The following RASA3 variants were observed in gnomAD, a reference collection of about 807,000 sequenced individuals.
RASA3 encodes the protein ras GTPase-activating protein 3.
RASA3 carries 73 observed loss-of-function variants against 110.0 expected under a neutral mutation model. The ratio of observed to expected loss-of-function variants is 0.66; its 90% confidence interval spans 0.55 to 0.81. The LOEUF is 0.81. Among genes scored for constraint, RASA3 ranks in the 30% least tolerant of loss-of-function variants. RASA3 has a pLI of 0.00. For missense variants in RASA3, 976 were observed against 1,113.2 expected (o/e 0.88, Z 1.75); for synonymous variants, 500 against 451.4 (o/e 1.11, Z -1.37).
intron 7 of RASA3, among the ~76,000 whole-genome samples, 161 bp downstream of exon 7, chr13:114,027,228 G>A (rs901440652): frequency 3.3e-5 from 5 of 151,968 alleles, no homozygotes; most frequent in Non-Finnish European, 5.9e-5. Flanking sequence ...GGCGGGGCTC[G>A]CTCCTCTCCG....
At position 114,065,120 on chromosome 13, in the gene RASA3, C is replaced by T. The variant is rs2079423457; in HGVS notation, c.173+8600G>A. 6.6e-6 allele frequency among the ~76,000 whole-genome samples: 1 copy of T among 152,226 alleles called. No individual in the cohort carries two copies. The highest frequency in any genetic ancestry group is 2.4e-5 in the African/African-American group (1 of 41,464). Reference sequence around the variant, plus strand: ...AAGTAGTGGCTCTGATGAGGGGAAACCATCTGAACTGAATTCCTCCTCCTC... The same window carrying T: ...AAGTAGTGGCTCTGATGAGGGGAAATCATCTGAACTGAATTCCTCCTCCTC... On this transcript the variant is annotated intron_variant, in intron 2 of 23. Transcript: ENST00000334062. The surrounding 1 kb of genome is among the most constrained non-coding windows in gnomAD (Gnocchi z 4.1).
At chr13:114,031,531 T>C (rs1440466585) in intron 4 of RASA3, among the ~76,000 whole-genome samples, 1 of 87,436 alleles carries the variant, frequency 1.1e-5, no homozygotes, top group Non-Finnish European at 2.2e-5. Context: ...TGGCTGTGTG[T>C]CCACCTGTGT....
At chr13:114,054,920 C>A (rs2079212802) in intron 2 of RASA3, among the ~76,000 whole-genome samples, 1 of 152,246 alleles carries the variant, frequency 6.6e-6, no homozygotes, top group African/African-American at 2.4e-5. Context: ...TGTCAGGGAC[C>A]CCCAGGGGTG....
chr13:114,130,665 T>C (rs1210595035), intron 1 of RASA3, among the ~76,000 whole-genome samples: 2 of 152,184 alleles, frequency 1.3e-5, no homozygotes, highest in East Asian at 3.9e-4. Context: ...TTCCCATGCC[T>C]TCTGTAAAGT....
intron 1 of RASA3, among the ~76,000 whole-genome samples, chr13:114,102,000 G>A (rs1052801491): frequency 2.0e-5 from 3 of 152,138 alleles, no homozygotes; most frequent in Non-Finnish European, 4.4e-5. Context: ...CACAAGCGAC[G>A]TCTACAGGGT....
chr13:114,075,779 TC>T (rs2079665725), intron 1 of RASA3, among the ~76,000 whole-genome samples: 1 of 98,324 alleles, frequency 1.0e-5, no homozygotes, highest in East Asian at 4.0e-4. Flanking sequence ...GCCTCCCGTG[TC>T]CGCGCCGCGT....
At chr13:114,131,970 A>C (rs1451835171) in intron 1 of RASA3, among the ~76,000 whole-genome samples, 3 of 152,108 alleles carry the variant, frequency 2.0e-5, no homozygotes, top group Non-Finnish European at 4.4e-5. Flanking sequence ...AGGAGCCTCC[A>C]CATTCCCCGG....
At chr13:114,060,983 C>A (rs1196463741) in intron 2 of RASA3, among the ~76,000 whole-genome samples, 2 of 145,520 alleles carry the variant, frequency 1.4e-5, no homozygotes, top group Non-Finnish European at 2.9e-5. Flanking sequence ...CCCCCACAGC[C>A]GGCAGACGGA....
chr13:114,062,124 G>C (rs1020408250), intron 2 of RASA3, among the ~76,000 whole-genome samples: 1 of 151,644 alleles, frequency 6.6e-6, no homozygotes, highest in Non-Finnish European at 1.5e-5. Flanking sequence ...AGCAAGACAC[G>C]ATTTTCCACG....
At chr13:114,010,330 C>T (rs910687698) in intron 16 of RASA3, among the ~76,000 whole-genome samples, 6 of 151,996 alleles carry the variant, frequency 3.9e-5, no homozygotes, top group African/African-American at 1.4e-4. Flanking sequence ...CCAGACGGAG[C>T]CCCGAGGGGG....
At chr13:113,981,952 C>T (rs2052946920) in intron 22 of RASA3, 94 bp from the exon 23 acceptor site, 19 of 1,112,494 alleles carry the variant, frequency 1.7e-5, no homozygotes, top group Non-Finnish European at 2.4e-5. Flanking sequence ...ACCCACAGTA[C>T]ACATCCTTCC....
intron 1 of RASA3, among the ~76,000 whole-genome samples, chr13:114,128,887 G>A (rs2080483374): frequency 6.6e-6 from 1 of 152,090 alleles, no homozygotes; most frequent in Admixed American, 6.5e-5. Context: ...CAGGGTCACC[G>A]CGGTGCGAGA....
chr13:114,033,783 C>G (rs959451561), intron 4 of RASA3, among the ~76,000 whole-genome samples: 2 of 152,250 alleles, frequency 1.3e-5, no homozygotes, highest in Admixed American at 6.5e-5. Context: ...TGTCCTGAGA[C>G]TCTGGGGTCT....
chr13:114,096,215 G>A lies in RASA3; in HGVS notation c.56-22378C>T, dbSNP rs937974820. Reference sequence around the variant, plus strand: ...CATCGGTGTGCTGGGAAGGGAGTGCGCAGGCCCACCCCGGCGTGCTGCCTG... The same window carrying A: ...CATCGGTGTGCTGGGAAGGGAGTGCACAGGCCCACCCCGGCGTGCTGCCTG... On this transcript the variant is annotated intron_variant, in intron 1 of 23. Transcript: ENST00000334062. The surrounding 1 kb of genome is among the most constrained non-coding windows in gnomAD (Gnocchi z 5.1). Among the ~76,000 whole-genome samples, 7 of 152,266 alleles carry A rather than the reference G, an allele frequency of 4.6e-5. No homozygotes were observed. Among genetic ancestry groups the A allele is most frequent in the East Asian group, 1.9e-4 (1 of 5,178 alleles).
chr13:114,032,042 A>ATT (rs2054179588), intron 4 of RASA3, among the ~76,000 whole-genome samples: 1 of 152,188 alleles, frequency 6.6e-6, no homozygotes. Context: ...ATCACCTAAC[A>ATT]AGCAAAATAA....
Position 114,065,497 on chromosome 13 carries a change from C to T in RASA3, c.173+8223G>A. ...GGCTGAGCTCTGCGGTCCTGAGTCACTGCCTGACTCATCCTCAGAGGCGCC... is the reference window on the plus strand; with the variant it reads ...GGCTGAGCTCTGCGGTCCTGAGTCATTGCCTGACTCATCCTCAGAGGCGCC... On this transcript the variant is annotated intron_variant, in intron 2 of 23. Transcript: ENST00000334062. This position sits in a 1 kb window ranked among gnomAD's most constrained non-coding sequence, Gnocchi z 4.1. 6.6e-6 allele frequency among the ~76,000 whole-genome samples: 1 copy of T among 152,226 alleles called. No individual in the cohort carries two copies. Among genetic ancestry groups the T allele is most frequent in the East Asian group, 1.9e-4 (1 of 5,196 alleles).
At position 114,119,482 on chromosome 13, in the gene RASA3, G is replaced by A. The variant is rs181927318; in HGVS notation, c.55+12953C>T. Among the ~76,000 whole-genome samples, 42 of 110,630 alleles carry A rather than the reference G, an allele frequency of 3.8e-4. No individual in the cohort carries two copies. In the East Asian group the frequency reaches 7.6e-3, roughly 20 times the overall value. The allele number at this position is 110,630 out of a possible 152,430, so 72.6% of individuals were successfully genotyped here. A position where few individuals can be genotyped will look rare whatever the true frequency, so the allele number is the denominator to read the frequency against. ...CAGCAGCAGCGAGAGAACCAGCAGG[G>A]CCCCCCTCCCCTCTCCAGCCAGGCG... is the stretch of plus-strand genomic sequence containing the variant. On this transcript the variant is annotated intron_variant, in intron 1 of 23. Transcript: ENST00000334062.
intron 1 of RASA3, among the ~76,000 whole-genome samples, chr13:114,128,540 C>G (rs1312705282): frequency 6.6e-6 from 1 of 152,246 alleles, no homozygotes; most frequent in African/African-American, 2.4e-5. Flanking sequence ...CCTATTCTCA[C>G]CCGGTGCCAC....
intron 3 of RASA3, 84 bp from the exon 4 acceptor site, chr13:114,041,178 C>T (rs1173868900): frequency 1.7e-6 from 2 of 1,157,580 alleles, no homozygotes; most frequent in African/African-American, 1.5e-5. Context: ...CCCATCATCA[C>T]CGCAGCTTAT....
Sources: gnomAD v4.1 joint callset for allele counts (sites outside exome capture counted in the v4.1 genomes callset) on GRCh38, gnomAD v4.1.1 for gene constraint, Gnocchi (gnomAD v3.1) non-coding constraint, MANE v1.5 for transcripts, NCBI Gene and HGNC (gene_info 2026-07-23, HGNC 2026-07-21) for gene names.